The following RFX7 variants were observed in gnomAD, a reference collection of about 807,000 sequenced individuals.
The protein encoded by RFX7 is regulatory factor X7.
Under a neutral mutation model 111.8 loss-of-function variants are expected in RFX7, and 26 were observed. The ratio of observed to expected loss-of-function variants is 0.23; its 90% CI spans 0.17 to 0.32. RFX7 has a LOEUF of 0.32. RFX7 is among the 10% of genes least tolerant of loss of function. The probability of loss-of-function intolerance (pLI) is 1.00; values close to 1 mark genes in which losing one functional copy is unlikely to be tolerated. For synonymous variants in RFX7, 624 were observed against 624.4 expected, an observed-to-expected ratio of 1.00 and a Z score of 0.01; for missense variants, 1,573 against 1,772.9, an observed-to-expected ratio of 0.89 and a Z score of 2.02.
chr15:56,203,263 C>T (rs920674797), intron 2 of RFX7, among the ~76,000 whole-genome samples: 2 of 152,024 alleles, frequency 1.3e-5, no homozygotes, highest in Non-Finnish European at 2.9e-5. Context: ...ACATATTGCC[C>T]GTATTCTAGA....
In RFX7 at chr15:56,136,516, G is replaced by C. The variant is rs1188228824; in HGVS notation, c.401+6262C>G. On this transcript the variant is annotated intron_variant, in intron 5 of 9. Coordinates refer to ENST00000559447, the MANE Select transcript of RFX7 (RefSeq NM_022841.7). Reference sequence around the variant, plus strand: ...GCTTATCAGCTTAAGGAGATTTTGGGCTGAGACAATGGGGTTTTCTAGATA... The same window carrying C: ...GCTTATCAGCTTAAGGAGATTTTGGCCTGAGACAATGGGGTTTTCTAGATA... 6.5e-5 allele frequency among the ~76,000 whole-genome samples: 9 copies of C among 137,606 alleles called. No individual in the cohort carries two copies. In the East Asian group the frequency reaches 1.7e-3, roughly 26 times the overall value. The allele number at this position is 137,606 out of a possible 152,430, so 90.3% of individuals were successfully genotyped here.
intron 3 of RFX7, among the ~76,000 whole-genome samples, chr15:56,176,236 GA>G (rs1213323506): frequency 3.9e-5 from 6 of 152,266 alleles, no homozygotes; most frequent in Admixed American, 6.5e-5. Flanking sequence ...TTTAGAAGGG[GA>G]GGAGAGAATC....
chr15:56,180,875 C>T (rs1350197834), intron 2 of RFX7, among the ~76,000 whole-genome samples: 5 of 151,968 alleles, frequency 3.3e-5, no homozygotes, highest in African/African-American at 1.2e-4. Flanking sequence ...TGAGATTGTG[C>T]CACTGTACTC....
chr15:56,238,708 A>G (rs762695547), intron 2 of RFX7, among the ~76,000 whole-genome samples: 6 of 152,230 alleles, frequency 3.9e-5, no homozygotes, highest in Non-Finnish European at 7.3e-5. Context: ...CAGTATTGGA[A>G]TATTTTCTAA....
At chr15:56,237,056 G>T (rs535489426) in intron 2 of RFX7, among the ~76,000 whole-genome samples, 2 of 152,000 alleles carry the variant, frequency 1.3e-5, no homozygotes, top group African/African-American at 4.8e-5. Flanking sequence ...ATGTTCTGTT[G>T]ATTGCCTATG....
chr15:56,181,976 T>C (rs1468335619), intron 2 of RFX7, among the ~76,000 whole-genome samples: 1 of 152,056 alleles, frequency 6.6e-6, no homozygotes, highest in Non-Finnish European at 1.5e-5. Context: ...GAACTGTGCA[T>C]GTGAGGGATC....
At chr15:56,173,769 GACA>G (rs1173298482) in intron 3 of RFX7, among the ~76,000 whole-genome samples, 4 of 151,578 alleles carry the variant, frequency 2.6e-5, no homozygotes, top group African/African-American at 9.7e-5. Flanking sequence ...TTGCAGCCCG[GACA>G]ACAAGAGTGA....
intron 2 of RFX7, among the ~76,000 whole-genome samples, chr15:56,184,473 A>C (rs1282823016): frequency 1.3e-5 from 2 of 152,114 alleles, no homozygotes; most frequent in African/African-American, 2.4e-5. Flanking sequence ...TCTCCAATAT[A>C]ATAAAGAGTA....
At chr15:56,230,824 G>A (rs544219493) in intron 2 of RFX7, among the ~76,000 whole-genome samples, 1 of 152,344 alleles carries the variant, frequency 6.6e-6, no homozygotes, top group South Asian at 2.1e-4. Flanking sequence ...GCTGGGCGCA[G>A]TGGCTCACGC....
chr15:56,217,881 A>G (rs2043379108), intron 2 of RFX7, among the ~76,000 whole-genome samples: 2 of 152,092 alleles, frequency 1.3e-5, no homozygotes, highest in Admixed American at 6.5e-5. Context: ...TTTGATTTTT[A>G]TTAGTTCTCC....
intron 5 of RFX7, among the ~76,000 whole-genome samples, chr15:56,108,147 T>G (rs1230343488): frequency 2.0e-5 from 3 of 152,222 alleles, no homozygotes; most frequent in African/African-American, 7.2e-5. Flanking sequence ...GCTGGTACCA[T>G]TCCTTCTGAA....
intron 5 of RFX7, among the ~76,000 whole-genome samples, chr15:56,105,236 C>T (rs1241787442): frequency 2.0e-5 from 3 of 152,196 alleles, no homozygotes; most frequent in African/African-American, 7.2e-5. Flanking sequence ...GCAACGTCCT[C>T]ATGTCACACC....
At chr15:56,118,374 A>C (rs1199489220) in intron 5 of RFX7, among the ~76,000 whole-genome samples, 1 of 152,024 alleles carries the variant, frequency 6.6e-6, no homozygotes, top group East Asian at 1.9e-4. Flanking sequence ...GGTAACCATC[A>C]TCCTACTGTA....
chr15:56,138,081 T>C (rs2042332001), intron 5 of RFX7, among the ~76,000 whole-genome samples: 1 of 143,348 alleles, frequency 7.0e-6, no homozygotes, highest in African/African-American at 2.6e-5. Context: ...CTGAAAAAAA[T>C]GTATATTCTG....
intron 5 of RFX7, among the ~76,000 whole-genome samples, chr15:56,111,108 G>A (rs1211725179): frequency 7.3e-6 from 1 of 136,568 alleles, no homozygotes; most frequent in African/African-American, 2.6e-5. Context: ...TGGGAAGTGA[G>A]GAGCCCCTCT....
At chr15:56,108,874 A>G (rs2041866631) in intron 5 of RFX7, among the ~76,000 whole-genome samples, 1 of 152,236 alleles carries the variant, frequency 6.6e-6, no homozygotes, top group African/African-American at 2.4e-5. Context: ...TCTATATGCA[A>G]AAATCACAAG....
chr15:56,239,727 T>C (rs1408648886), intron 2 of RFX7, among the ~76,000 whole-genome samples: 2 of 152,164 alleles, frequency 1.3e-5, no homozygotes, highest in Non-Finnish European at 1.5e-5. Context: ...CCTGTATCTA[T>C]GTTACAGCCT....
At chr15:56,163,813 C>T (rs2042752606) in intron 3 of RFX7, among the ~76,000 whole-genome samples, 1 of 152,152 alleles carries the variant, frequency 6.6e-6, no homozygotes, top group African/African-American at 2.4e-5. Context: ...ACAGTAAAGA[C>T]TCCATATTAC....
intron 5 of RFX7, among the ~76,000 whole-genome samples, chr15:56,117,026 G>A (rs1358187762): frequency 6.6e-6 from 1 of 152,196 alleles, no homozygotes; most frequent in Non-Finnish European, 1.5e-5. Context: ...TGCTGGTAAA[G>A]AGAGTGAGTG....
Sources: gnomAD v4.1 joint callset for allele counts (sites outside exome capture counted in the v4.1 genomes callset) on GRCh38, gnomAD v4.1.1 for gene constraint, MANE v1.5 for transcripts, NCBI Gene and HGNC (gene_info 2026-07-23, HGNC 2026-07-21) for gene names.